TTC6: variants seen among roughly 807,000 people sequenced by gnomAD.
The protein encoded by TTC6 is tetratricopeptide repeat protein 6.
In TTC6, 172 loss-of-function variants were observed where a neutral mutation model predicts 210.4. That is an observed-to-expected ratio of 0.82 (90% confidence interval 0.72 to 0.93). The LOEUF is 0.93. Ranked by LOEUF, TTC6 falls within the 40% of genes least tolerant of loss-of-function variation. TTC6 has a pLI of 0.00. For missense variants in TTC6, 2,414 were observed against 2,318.1 expected (o/e 1.04, Z -0.85); for synonymous variants, 804 against 819.6 (o/e 0.98, Z 0.32).
At chr14:37,636,096 A>G (rs990458654) in intron 1 of TTC6, among the ~76,000 whole-genome samples, 1 of 152,132 alleles carries the variant, frequency 6.6e-6, no homozygotes, top group Non-Finnish European at 1.5e-5. Context: ...TTAGGCATGT[A>G]TTTACCAAAT....
chr14:37,801,472 A>G (rs1177043642), intron 20 of TTC6, among the ~76,000 whole-genome samples: 2 of 152,106 alleles, frequency 1.3e-5, no homozygotes, highest in African/African-American at 4.8e-5. Context: ...CCCTTCCTTG[A>G]GTGTGTGCAG....
At chr14:37,734,279 G>T (rs2095895572) in intron 7 of TTC6, among the ~76,000 whole-genome samples, 1 of 152,142 alleles carries the variant, frequency 6.6e-6, no homozygotes, top group African/African-American at 2.4e-5. Flanking sequence ...GTGTACCCCT[G>T]TGGTATTCCA....
chr14:37,692,229 AAAAG>A (rs2095805165), intron 3 of TTC6, among the ~76,000 whole-genome samples: 8 of 148,098 alleles, frequency 5.4e-5, no homozygotes, highest in African/African-American at 2.0e-4. Context: ...AAAAAAAAAA[AAAAG>A]AAAAAAAGAA....
intron 22 of TTC6, among the ~76,000 whole-genome samples, chr14:37,806,987 C>A (rs555245718): frequency 6.6e-6 from 1 of 151,950 alleles, no homozygotes; most frequent in African/African-American, 2.4e-5. Flanking sequence ...TGGTTATGTA[C>A]GAGAATGTCT....
rs185776745 is a variant in TTC6 at position 37,840,338 on chromosome 14, G to A, written c.5299-1107G>A. The stretch of plus-strand genomic sequence containing the variant: ...ACCAATAACAAGTGCTGAAATTGAG[G>A]CAGTAATTAATAGCCTACCAACCAA... On this transcript the variant is annotated intron_variant, in intron 29 of 30. Transcript: ENST00000553443. Among the ~76,000 whole-genome samples the A allele has an allele frequency of 2.4e-3, 360 of 152,234 alleles. 1 individual carries two copies. The highest frequency in any genetic ancestry group is 2.6e-3 in the Non-Finnish European group (176 of 68,010).
Position 37,777,661 on chromosome 14 carries a change from A to G in TTC6, c.3267-9807A>G, listed in dbSNP as rs115986040. Among the ~76,000 whole-genome samples, 479 of 151,424 alleles carry G rather than the reference A, an allele frequency of 3.2e-3. 2 individuals are homozygous for G. The highest frequency in any genetic ancestry group is 0.011 in the African/African-American group (453 of 41,298). Reference sequence around the variant, plus strand: ...CTGCGGAGTGAATGCGGTCATTTGGAGGTAATAAGACACTGGGGTTTTGAG... The same window carrying G: ...CTGCGGAGTGAATGCGGTCATTTGGGGGTAATAAGACACTGGGGTTTTGAG... On this transcript the variant is annotated intron_variant, in intron 14 of 30. Transcript: ENST00000553443.
At chr14:37,651,818 C>T (rs957674679) in intron 1 of TTC6, among the ~76,000 whole-genome samples, 7 of 151,960 alleles carry the variant, frequency 4.6e-5, no homozygotes, top group South Asian at 4.1e-4. Context: ...AAAAGTATAG[C>T]GGGCACAAAT....
chr14:37,791,650 G>T (rs2096079625), intron 16 of TTC6, among the ~76,000 whole-genome samples: 1 of 152,146 alleles, frequency 6.6e-6, no homozygotes, highest in African/African-American at 2.4e-5. Flanking sequence ...AAAACAGGAA[G>T]TAGGAACTTT....
intron 1 of TTC6, among the ~76,000 whole-genome samples, chr14:37,600,076 TA>T (rs2095612736): frequency 6.6e-6 from 1 of 152,132 alleles, no homozygotes; most frequent in Admixed American, 6.5e-5. Flanking sequence ...GCTAGGGGCC[TA>T]GGGGAGGGAC....
chr14:37,614,586 G>A (rs1173865263), intron 2 of TTC6, among the ~76,000 whole-genome samples: 1 of 150,664 alleles, frequency 6.6e-6, no homozygotes, highest in Non-Finnish European at 1.5e-5. Flanking sequence ...TCTTCTGCCT[G>A]AAGACCATTC....
rs1305731168 is a variant in TTC6 at position 37,598,114 on chromosome 14, G to A, written c.-235+2106G>A. On this transcript the variant is annotated intron_variant, in intron 1 of 2. Coordinates refer to the TTC6 transcript ENST00000556845. The surrounding 1 kb of genome is among the most constrained non-coding windows in gnomAD (Gnocchi z 4.9). ...TCGGTAGCCAGGTCCAGCGGCTGCA[G>A]CCTGCTCTTTTCCAACCTCTTTTCC... Among the ~76,000 whole-genome samples, 1 of 152,240 alleles carries A rather than the reference G, an allele frequency of 6.6e-6. No homozygotes were observed. Among genetic ancestry groups the A allele is most frequent in the Non-Finnish European group, 1.5e-5 (1 of 68,042 alleles).
intron 1 of TTC6, among the ~76,000 whole-genome samples, chr14:37,659,466 A>C (rs1739263604): frequency 6.6e-6 from 1 of 151,804 alleles, no homozygotes; most frequent in Non-Finnish European, 1.5e-5. Flanking sequence ...CGACTTTTTT[A>C]ATAATAGCCA....
chr14:37,821,574 A>G (rs915191108), intron 26 of TTC6, among the ~76,000 whole-genome samples: 2 of 152,110 alleles, frequency 1.3e-5, no homozygotes, highest in African/African-American at 4.8e-5. Context: ...GTGATCTTCT[A>G]GAAGAACACC....
rs1176670456 is a variant in TTC6 at position 37,791,940 on chromosome 14, T to C, written c.3558-324T>C. Among the ~76,000 whole-genome samples, 3 of 152,140 alleles carry C rather than the reference T, an allele frequency of 2.0e-5. No individual in the cohort carries two copies. The South Asian group carries it at 6.2e-4, about 32-fold the overall frequency. The stretch of plus-strand genomic sequence containing the variant: ...AACATAGCCTGAGGTAAAGACTCTT[T>C]AGTTGAGAAAAACTAAGCTTGTGAC... On this transcript the variant is annotated intron_variant, in intron 16 of 30. Transcript: ENST00000553443.
intron 1 of TTC6, among the ~76,000 whole-genome samples, chr14:37,654,563 A>T (rs889083361): frequency 6.6e-6 from 1 of 152,152 alleles, no homozygotes; most frequent in Non-Finnish European, 1.5e-5. Context: ...TGAGCCAATT[A>T]AACTTCTTTT....
intron 7 of TTC6, among the ~76,000 whole-genome samples, chr14:37,734,864 A>G (rs1307660145): frequency 6.6e-6 from 1 of 152,154 alleles, no homozygotes; most frequent in Non-Finnish European, 1.5e-5. Flanking sequence ...CACAGTTTTG[A>G]TATCTATGAA....
At chr14:37,796,980 C>A in intron 20 of TTC6, 33 bp downstream of exon 22, 1 of 1,548,978 alleles carries the variant, frequency 6.5e-7, no homozygotes, top group South Asian at 1.3e-5. Flanking sequence ...TTTACTAAAC[C>A]TATTAATGAA....
intron 2 of TTC6, among the ~76,000 whole-genome samples, chr14:37,607,770 G>A (rs2095627842): frequency 6.6e-6 from 1 of 151,856 alleles, no homozygotes; most frequent in African/African-American, 2.4e-5. Flanking sequence ...TAGGACTATA[G>A]GTGCATGCCA....
chr14:37,746,692 G>GTT (rs2139003233), intron 10 of TTC6, among the ~76,000 whole-genome samples: 1 of 152,280 alleles, frequency 6.6e-6, no homozygotes, highest in African/African-American at 2.4e-5. Flanking sequence ...AATGGCTGTG[G>GTT]CTCCATGAGA....
Sources: gnomAD v4.1 joint callset for allele counts (sites outside exome capture counted in the v4.1 genomes callset) on GRCh38, gnomAD v4.1.1 for gene constraint, Gnocchi (gnomAD v3.1) non-coding constraint, MANE v1.5 for transcripts, NCBI Gene and HGNC (gene_info 2026-07-23, HGNC 2026-07-21) for gene names.